The following TBC1D1 variants were observed in gnomAD, a reference collection of about 807,000 sequenced individuals.
The protein encoded by TBC1D1 is TBC1 (tre-2/USP6, BUB2, cdc16) domain family, member 1.
A neutral mutation model predicts 125.6 loss-of-function variants in TBC1D1; 89 were observed. That is an observed-to-expected ratio of 0.71 (90% CI 0.60 to 0.85). The LOEUF is 0.85. TBC1D1 is among the 40% of genes least tolerant of loss of function. The pLI is 0.00. For missense variants in TBC1D1, 1,377 were observed against 1,469.2 expected (o/e 0.94, Z 1.03); for synonymous variants, 565 against 564.1 (o/e 1.00, Z -0.02).
intron 5 of TBC1D1, 57 bp from the exon 6 acceptor site, chr4:38,021,529 C>A: frequency 7.0e-7 from 1 of 1,422,926 alleles, no homozygotes. Flanking sequence ...GACATCTCAG[C>A]CCAGCTAATT....
At chr4:38,012,661 C>G (rs1229144712) in intron 2 of TBC1D1, among the ~76,000 whole-genome samples, 1 of 152,216 alleles carries the variant, frequency 6.6e-6, no homozygotes, top group African/African-American at 2.4e-5. Flanking sequence ...TCTCTTCTCT[C>G]TGTCCTGTCT....
At chr4:37,911,131 CTTTTTTT>C (rs71658745) in intron 2 of TBC1D1, among the ~76,000 whole-genome samples, 2 of 94,888 alleles carry the variant, frequency 2.1e-5, no homozygotes, top group Admixed American at 1.2e-4. Context: ...TCCCCTCCTC[CTTTTTTT>C]TTTTTTTTTT....
intron 1 of TBC1D1, among the ~76,000 whole-genome samples, chr4:37,900,755 G>A (rs1251844333): frequency 6.6e-6 from 1 of 152,156 alleles, no homozygotes; most frequent in African/African-American, 2.4e-5. Flanking sequence ...GAAGGCGTTA[G>A]GATACATCAA....
chr4:38,106,744 G>C (rs1227384915), intron 15 of TBC1D1, among the ~76,000 whole-genome samples: 2 of 152,128 alleles, frequency 1.3e-5, no homozygotes, highest in African/African-American at 2.4e-5. Context: ...TTGTTGCTCA[G>C]ATGTCATCAC....
At position 38,053,084 on chromosome 4, in the gene TBC1D1, CTT is replaced by C. The variant is rs1476513247; in HGVS notation, c.1911-1110_1911-1109del. The stretch of plus-strand genomic sequence containing the variant: ...TTTTTATGTTTCTTTATCCTAAACT[CTT>C]TTTTCAACCAAACTCTTAGCATCTC... On this transcript the variant is annotated intron_variant, in intron 11 of 19. Transcript: ENST00000261439. The C allele has an allele frequency of 1.4e-6, 2 of 1,391,312 alleles. No homozygotes were observed. Among genetic ancestry groups the C allele is most frequent in the South Asian group, 3.5e-5 (2 of 56,870 alleles). The allele number at this position is 1,391,312 out of a possible 1,614,324, so 86.2% of individuals were successfully genotyped here.
At chr4:38,062,184 G>C (rs765048256) in intron 12 of TBC1D1, among the ~76,000 whole-genome samples, 1 of 152,028 alleles carries the variant, frequency 6.6e-6, no homozygotes, top group African/African-American at 2.4e-5. Context: ...AGGGTGACTT[G>C]AGAAACTGTC....
chr4:38,016,061 A>G (rs2152429242), intron 3 of TBC1D1, among the ~76,000 whole-genome samples: 1 of 152,352 alleles, frequency 6.6e-6, no homozygotes, highest in Admixed American at 6.5e-5. Flanking sequence ...GTCCCTTGCC[A>G]CATGCTGGAA....
intron 2 of TBC1D1, among the ~76,000 whole-genome samples, chr4:37,944,881 G>C (rs1189063777): frequency 4.6e-5 from 7 of 152,156 alleles, no homozygotes; most frequent in Non-Finnish European, 7.3e-5. Flanking sequence ...AGATGAACCC[G>C]GTACCTCATT....
At chr4:38,123,170 G>A (rs1286520612) in intron 17 of TBC1D1, among the ~76,000 whole-genome samples, 4 of 152,194 alleles carry the variant, frequency 2.6e-5, no homozygotes, top group African/African-American at 9.7e-5. Flanking sequence ...TAGAGACCAA[G>A]CTATAGAAAA....
chr4:37,988,561 C>A (rs1247740856), intron 2 of TBC1D1, among the ~76,000 whole-genome samples: 1 of 152,134 alleles, frequency 6.6e-6, no homozygotes, highest in Non-Finnish European at 1.5e-5. Flanking sequence ...ACTCGTGAAC[C>A]ATCATCATCA....
At chr4:38,129,039 A>G (rs1251122010) in intron 18 of TBC1D1, among the ~76,000 whole-genome samples, 1 of 152,202 alleles carries the variant, frequency 6.6e-6, no homozygotes, top group African/African-American at 2.4e-5. Context: ...TTGTCATCAT[A>G]TCATGTCAGA....
At chr4:37,985,081 T>G (rs1024742507) in intron 2 of TBC1D1, among the ~76,000 whole-genome samples, 4 of 151,586 alleles carry the variant, frequency 2.6e-5, no homozygotes, top group Non-Finnish European at 5.9e-5. Flanking sequence ...GCCTCCCGAG[T>G]AGTTGAGACT....
intron 15 of TBC1D1, among the ~76,000 whole-genome samples, chr4:38,107,145 T>C (rs1218029711): frequency 6.6e-6 from 1 of 152,224 alleles, no homozygotes; most frequent in African/African-American, 2.4e-5. Flanking sequence ...CTCCAGGCTT[T>C]TTCCAGGGAC....
intron 2 of TBC1D1, among the ~76,000 whole-genome samples, chr4:37,994,936 G>C (rs1234206692): frequency 7.2e-6 from 1 of 139,508 alleles, no homozygotes; most frequent in East Asian, 2.1e-4. Context: ...TTAGAGCTGA[G>C]GGCTTCTTTT....
At chr4:38,083,491 A>C (rs1756931718) in intron 12 of TBC1D1, among the ~76,000 whole-genome samples, 1 of 152,250 alleles carries the variant, frequency 6.6e-6, no homozygotes, top group Admixed American at 6.5e-5. Context: ...CCCACTTTCC[A>C]CAAAAACTGA....
intron 1 of TBC1D1, among the ~76,000 whole-genome samples, chr4:37,895,232 C>G (rs1440869739): frequency 6.6e-6 from 1 of 152,170 alleles, no homozygotes; most frequent in Non-Finnish European, 1.5e-5. Context: ...AATAAACACA[C>G]TATGATAATG....
At chr4:38,113,478 G>A (rs997534306) in intron 15 of TBC1D1, among the ~76,000 whole-genome samples, 1 of 152,206 alleles carries the variant, frequency 6.6e-6, no homozygotes, top group Non-Finnish European at 1.5e-5. Context: ...TAGCTAAAAC[G>A]ATAACACTGA....
intron 2 of TBC1D1, among the ~76,000 whole-genome samples, chr4:37,992,173 T>G (rs1203803223): frequency 6.6e-6 from 1 of 152,110 alleles, no homozygotes; most frequent in Non-Finnish European, 1.5e-5. Context: ...TTCCAGAAGA[T>G]CAGGCTGTGC....
At chr4:38,005,487 C>T (rs1167201917) in intron 2 of TBC1D1, among the ~76,000 whole-genome samples, 1 of 152,092 alleles carries the variant, frequency 6.6e-6, no homozygotes, top group Non-Finnish European at 1.5e-5. Flanking sequence ...TTTTCCTTCC[C>T]TGGTGTTTAT....
Sources: gnomAD v4.1 joint callset for allele counts (sites outside exome capture counted in the v4.1 genomes callset) on GRCh38, gnomAD v4.1.1 for gene constraint, MANE v1.5 for transcripts, NCBI Gene and HGNC (gene_info 2026-07-23, HGNC 2026-07-21) for gene names.